FGF12: variants seen among roughly 807,000 people sequenced by gnomAD.
The protein encoded by FGF12 is fibroblast growth factor 12B.
FGF12 carries 14 observed loss-of-function variants against 23.6 expected under a neutral mutation model. The observed-to-expected ratio is 0.59, with a 90% CI of 0.39 to 0.93. The LOEUF (loss-of-function observed/expected upper bound fraction) is 0.93. FGF12 is among the 40% of genes least tolerant of loss of function. FGF12 has a pLI of 0.00. For synonymous variants in FGF12, 62 were observed against 77.3 expected, an observed-to-expected ratio of 0.80 and a Z score of 1.04; for missense variants, 175 against 217.8, an observed-to-expected ratio of 0.80 and a Z score of 1.24.
intron 2 of FGF12, among the ~76,000 whole-genome samples, chr3:192,693,357 T>C (rs1033034112): frequency 2.0e-5 from 3 of 152,132 alleles, no homozygotes; most frequent in Admixed American, 6.5e-5. Context: ...CAAAGCAATA[T>C]ACAGATTCAA....
chr3:192,201,697 T>C (rs1717375054), intron 4 of FGF12, among the ~76,000 whole-genome samples: 1 of 152,220 alleles, frequency 6.6e-6, no homozygotes, highest in Non-Finnish European at 1.5e-5. Flanking sequence ...TTTACACTTT[T>C]ACTAACTTAA....
At chr3:192,283,631 T>A (rs1487323122) in intron 4 of FGF12, among the ~76,000 whole-genome samples, 1 of 152,056 alleles carries the variant, frequency 6.6e-6, no homozygotes, top group Non-Finnish European at 1.5e-5. Context: ...ACCCCTTTAT[T>A]TGCCACAACA....
chr3:192,263,040 T>C (rs1272681808), intron 4 of FGF12, among the ~76,000 whole-genome samples: 1 of 152,104 alleles, frequency 6.6e-6, no homozygotes, highest in African/African-American at 2.4e-5. Flanking sequence ...TTAATTATGG[T>C]CATTAGCATA....
At chr3:192,189,428 CCT>C (rs2108645183) in intron 4 of FGF12, among the ~76,000 whole-genome samples, 1 of 152,314 alleles carries the variant, frequency 6.6e-6, no homozygotes, top group Non-Finnish European at 1.5e-5. Context: ...GCACCTCTCT[CCT>C]CTCTTTGCCG....
intron 2 of FGF12, among the ~76,000 whole-genome samples, chr3:192,383,879 T>G (rs2108755465): frequency 6.6e-6 from 1 of 152,258 alleles, no homozygotes; most frequent in South Asian, 2.1e-4. Flanking sequence ...AGGTCTTGCC[T>G]GAAGATATAA....
At chr3:192,384,812 C>T (rs1383988150) in intron 2 of FGF12, among the ~76,000 whole-genome samples, 1 of 152,106 alleles carries the variant, frequency 6.6e-6, no homozygotes, top group Non-Finnish European at 1.5e-5. Flanking sequence ...ATTGTACAGG[C>T]ACCATCTGCA....
intron 2 of FGF12, among the ~76,000 whole-genome samples, chr3:192,428,046 G>A (rs1253736726): frequency 1.3e-5 from 2 of 152,172 alleles, no homozygotes; most frequent in Admixed American, 1.3e-4. Context: ...AGCAAGTTGG[G>A]TCAGGTAGAA....
chr3:192,343,862 A>G (rs779186022), intron 3 of FGF12, among the ~76,000 whole-genome samples: 1 of 152,194 alleles, frequency 6.6e-6, no homozygotes, highest in Non-Finnish European at 1.5e-5. Context: ...AATAAAGCCT[A>G]AACAATTGTT....
At chr3:192,489,085 T>C (rs1219266209) in intron 2 of FGF12, among the ~76,000 whole-genome samples, 1 of 152,086 alleles carries the variant, frequency 6.6e-6, no homozygotes, top group East Asian at 1.9e-4. Context: ...GGTTTCACTT[T>C]ATTCTGGAAA....
chr3:192,615,693 T>C (rs1330412939), intron 2 of FGF12, among the ~76,000 whole-genome samples: 1 of 151,986 alleles, frequency 6.6e-6, no homozygotes, highest in African/African-American at 2.4e-5. Context: ...GTGAAAGCAA[T>C]AAAATGTTAA....
chr3:192,168,467 G>C (rs1715352669), intron 5 of FGF12, among the ~76,000 whole-genome samples: 1 of 152,144 alleles, frequency 6.6e-6, no homozygotes, highest in Non-Finnish European at 1.5e-5. Flanking sequence ...CTGAAGGTAA[G>C]TTTAAATATT....
chr3:192,162,306 T>C (rs1472147728), intron 5 of FGF12, among the ~76,000 whole-genome samples: 1 of 152,116 alleles, frequency 6.6e-6, no homozygotes, highest in African/African-American at 2.4e-5. Context: ...TGTATTGCCT[T>C]AGAAATGCAT....
chr3:192,691,670 A>G (rs1423387709), intron 2 of FGF12, among the ~76,000 whole-genome samples: 1 of 151,760 alleles, frequency 6.6e-6, no homozygotes, highest in African/African-American at 2.4e-5. Flanking sequence ...TAGCAGAAGA[A>G]AAAAAGTAAT....
rs191663071 is a variant in FGF12, at chr3:192,557,037, G to C, written c.13+170144C>G. Among the ~76,000 whole-genome samples, 6 of 151,892 alleles carry C rather than the reference G, an allele frequency of 4.0e-5. No individual in the cohort carries two copies. In the East Asian group the frequency reaches 9.7e-4, roughly 24 times the overall value. On this transcript the variant is annotated intron_variant, in intron 2 of 5. Transcript: ENST00000445105. The stretch of plus-strand genomic sequence containing the variant: ...AAATGAAAACACAACATACCAAAAT[G>C]TATGGGATGCATCAAAAGCAGCCGT...
intron 2 of FGF12, among the ~76,000 whole-genome samples, chr3:192,679,149 C>T (rs1717429035): frequency 6.6e-6 from 1 of 151,994 alleles, no homozygotes; most frequent in African/African-American, 2.4e-5. Flanking sequence ...GGGTATGCAG[C>T]AAATAGAGGA....
Position 192,292,102 on chromosome 3 carries a change from C to T in FGF12, c.228+43259G>A, listed in dbSNP as rs115939572. ...ATTCACACCAAATTTTGATTACACTCATAGTAAATTTAAAACTACTCACTA... is the reference window on the plus strand; with the variant it reads ...ATTCACACCAAATTTTGATTACACTTATAGTAAATTTAAAACTACTCACTA... On this transcript the variant is annotated intron_variant, in intron 4 of 5. Coordinates refer to ENST00000445105, the MANE Select transcript of FGF12 (RefSeq NM_004113.6). Among the ~76,000 whole-genome samples, 1,030 of 152,242 alleles carry T rather than the reference C, an allele frequency of 6.8e-3. 8 individuals are homozygous for T. The highest frequency in any genetic ancestry group is 0.024 in the African/African-American group (991 of 41,546).
In FGF12 at chr3:192,187,120, T is replaced by G. The variant is rs1019081058; in HGVS notation, c.229-16464A>C. Among the ~76,000 whole-genome samples, 4 of 152,210 alleles carry G rather than the reference T, an allele frequency of 2.6e-5. No homozygotes were observed. In the South Asian group the frequency reaches 6.2e-4, roughly 24 times the overall value. On this transcript the variant is annotated intron_variant, in intron 4 of 5. Coordinates refer to ENST00000445105, the MANE Select transcript of FGF12 (RefSeq NM_004113.6). The stretch of plus-strand genomic sequence containing the variant: ...CAGTTTAGCTTGTATTCAACATGAA[T>G]AGAATCTGACCATTTTCCCTAATAG...
chr3:192,161,448 A>G (rs6444629), intron 5 of FGF12, among the ~76,000 whole-genome samples: 141,229 of 151,832 alleles, frequency 0.93, 65,715 homozygotes, highest in Middle Eastern at 0.98. Context: ...ATACACACAC[A>G]CACACAACTG....
chr3:192,224,351 A>G (rs1395951950), intron 4 of FGF12, among the ~76,000 whole-genome samples: 2 of 152,172 alleles, frequency 1.3e-5, no homozygotes, highest in African/African-American at 4.8e-5. Context: ...AAACTGGAAG[A>G]AGATAACATT....
Sources: gnomAD v4.1 joint callset for allele counts (sites outside exome capture counted in the v4.1 genomes callset) on GRCh38, gnomAD v4.1.1 for gene constraint, MANE v1.5 for transcripts, NCBI Gene and HGNC (gene_info 2026-07-23, HGNC 2026-07-21) for gene names.